Variants in C3orf49 observed in about 807,000 individuals in gnomAD.
C3orf49 encodes the protein putative uncharacterized protein C3orf49.
Under a neutral mutation model 13.3 loss-of-function variants are expected in C3orf49, and 27 were observed. The ratio of observed to expected loss-of-function variants is 2.02; its 90% CI spans 1.49 to 2.79. The LOEUF is 2.79. Among genes scored for constraint, C3orf49 ranks in the 30% most tolerant of loss-of-function variants. The pLI is 0.00. For synonymous variants in C3orf49, 87 were observed against 47.6 expected (o/e 1.83, Z -3.40); for missense variants, 242 against 134.2 (o/e 1.80, Z -3.97).
the C3orf49 span, among the ~76,000 whole-genome samples, chr3:63,780,934 T>C: frequency 1.3e-5 from 2 of 152,134 alleles, no homozygotes; most frequent in African/African-American, 4.8e-5. Flanking sequence ...TCCCATTCTG[T>C]AGGTTGCCTG....
At chr3:63,815,878 G>A (rs1701318859), upstream of C3orf49, among the ~76,000 whole-genome samples, 2 of 150,770 alleles carry the variant, frequency 1.3e-5, no homozygotes, top group Non-Finnish European at 3.0e-5. Context: ...GCGAGGAGGC[G>A]TGAAGCCGGG....
chr3:63,804,048 C>A, the C3orf49 span, among the ~76,000 whole-genome samples: 2 of 151,944 alleles, frequency 1.3e-5, no homozygotes, highest in Non-Finnish European at 2.9e-5. Flanking sequence ...AGGGTTCACG[C>A]TCCTATGAGA....
chr3:63,836,548 G>A (rs1176458511), intron 5 of C3orf49, among the ~76,000 whole-genome samples: 1 of 151,952 alleles, frequency 6.6e-6, no homozygotes, highest in East Asian at 1.9e-4. Context: ...CATCAAAAGT[G>A]TTCCAAACAG....
rs1204394646 is a variant in C3orf49 at position 63,827,712 on chromosome 3, C to G, written c.557C>G (p.Ser186Ter). 1 of 702,678 alleles carries G rather than the reference C, an allele frequency of 1.4e-6. No individual in the cohort carries two copies. Among genetic ancestry groups the G allele is most frequent in the Admixed American group, 2.0e-5 (1 of 49,924 alleles). 43.5% of individuals were successfully genotyped at this position (702,678 alleles called of 1,614,324 possible). ...CGGTTATCTGTGACATCTCTTCCTTCAGGACTGCAAAAGGTAAAACGCTAA... is the reference window on the plus strand; with the variant it reads ...CGGTTATCTGTGACATCTCTTCCTTGAGGACTGCAAAAGGTAAAACGCTAA... ...TKRLSVTSLP[S>*]GLQKGPYSPK... is the part of the protein sequence containing the mutation. Residue 186 changes from serine (S) to a stop codon, truncating the protein, a stop_gained, in exon 3 of 7, where the codon TCA becomes TGA. Coordinates refer to ENST00000295896, the MANE Select transcript of C3orf49 (RefSeq NM_001355236.2). LOFTEE classifies it high-confidence loss of function.
At chr3:63,789,310 G>T in the C3orf49 span, among the ~76,000 whole-genome samples, 1 of 152,124 alleles carries the variant, frequency 6.6e-6, no homozygotes, top group African/African-American at 2.4e-5. Context: ...TGGAAAAATT[G>T]TCTTCCACAA....
chr3:63,836,235 C>G lies in C3orf49; in HGVS notation c.849+4391C>G, dbSNP rs1383980857. 8 of 1,466,940 alleles carry G rather than the reference C, an allele frequency of 5.5e-6. No homozygotes were observed. In the Admixed American group the frequency reaches 1.1e-4, roughly 21 times the overall value. The allele number at this position is 1,466,940 out of a possible 1,614,324, so 90.9% of individuals were successfully genotyped here. A position where few individuals can be genotyped will look rare whatever the true frequency, so the allele number is the denominator to read the frequency against. ...ATTTATTTCTGCAAAAATGAAATGCCTACGGTAGTTTTCGAGCATTTATGT... is the reference window on the plus strand; with the variant it reads ...ATTTATTTCTGCAAAAATGAAATGCGTACGGTAGTTTTCGAGCATTTATGT... On this transcript the variant is annotated intron_variant, in intron 5 of 6. Transcript: ENST00000295896.
At chr3:63,781,343 A>G in the C3orf49 span, among the ~76,000 whole-genome samples, 1 of 151,314 alleles carries the variant, frequency 6.6e-6, no homozygotes, top group African/African-American at 2.4e-5. Flanking sequence ...TGTTCCATTG[A>G]TCTATATCTC....
At position 63,823,387 on chromosome 3, in the gene C3orf49, C is replaced by T. The variant is rs752808341; in HGVS notation, c.263C>T (p.Thr88Ile). 2.8e-6 allele frequency: 2 copies of T among 703,316 alleles called. No individual in the cohort carries two copies. The highest frequency in any genetic ancestry group is 3.0e-5 in the South Asian group (2 of 67,596). 43.6% of individuals were successfully genotyped at this position (703,316 alleles called of 1,614,324 possible). Residue 88 changes from threonine (T) to isoleucine (I), a missense_variant, in exon 2 of 7, where the codon ACT becomes ATT. Coordinates refer to ENST00000295896, the MANE Select transcript of C3orf49 (RefSeq NM_001355236.2). ...AGTAATTTGAAGACGAAAGTGAAGACTGCTTTTGGGAGGATGCTGTCCTAC... is the reference window on the plus strand; with the variant it reads ...AGTAATTTGAAGACGAAAGTGAAGATTGCTTTTGGGAGGATGCTGTCCTAC... The part of the protein sequence containing the change: ...QKSNLKTKVK[T>I]AFGRMLSYKY...
chr3:63,833,978 T>C (rs1387780435), intron 5 of C3orf49: 1 of 670,716 alleles, frequency 1.5e-6, no homozygotes, highest in African/African-American at 1.8e-5. Context: ...CATTTTCCTT[T>C]GTGAGAGGAA....
chr3:63,806,656 C>G, the C3orf49 span, among the ~76,000 whole-genome samples: 2 of 152,218 alleles, frequency 1.3e-5, no homozygotes, highest in East Asian at 3.8e-4. Context: ...TCCCGAACTT[C>G]TTTCCACTTC....
At chr3:63,815,873 G>A (rs923772200), upstream of C3orf49, among the ~76,000 whole-genome samples, 6 of 150,894 alleles carry the variant, frequency 4.0e-5, no homozygotes, top group African/African-American at 1.5e-4. Flanking sequence ...TTCAAGCGAG[G>A]AGGCGTGAAG....
At chr3:63,807,970 C>T in the C3orf49 span, among the ~76,000 whole-genome samples, 1 of 150,096 alleles carries the variant, frequency 6.7e-6, no homozygotes, top group Admixed American at 6.6e-5. Context: ...TTCAGAATGT[C>T]AAAATTTGAG....
rs1302983311 is a variant in C3orf49 at position 63,819,467 on chromosome 3, G to A, written c.-5G>A. On this transcript the variant is annotated 5_prime_UTR_variant, in exon 1 of 7. Transcript: ENST00000295896. The stretch of plus-strand genomic sequence containing the variant: ...AAACGGCTACTACAGGTGAAGTTGA[G>A]AGCAATGGCCCAACCTCAGCTGTAT... 4.3e-6 allele frequency: 3 copies of A among 702,748 alleles called. No homozygotes were observed. Among genetic ancestry groups the A allele is most frequent in the South Asian group, 3.0e-5 (2 of 67,558 alleles). 43.5% of individuals were successfully genotyped at this position (702,748 alleles called of 1,614,324 possible).
Position 63,843,628 on chromosome 3 carries a change from T to C in C3orf49, c.850-1395T>C, listed in dbSNP as rs144744061. ...AATTAAAAAAAATGTGGGCTGGGCG[T>C]GGTGGCTCACGCCTGTAATCCCAGC... On this transcript the variant is annotated intron_variant, in intron 5 of 6. Coordinates refer to ENST00000295896, the MANE Select transcript of C3orf49 (RefSeq NM_001355236.2). Among the ~76,000 whole-genome samples, 403 of 151,906 alleles carry C rather than the reference T, an allele frequency of 2.7e-3. 1 individual carries two copies. Among genetic ancestry groups the C allele is most frequent in the African/African-American group, 9.0e-3 (375 of 41,448 alleles).
At chr3:63,845,834 C>T (rs1701880908) in intron 6 of C3orf49, among the ~76,000 whole-genome samples, 2 of 152,260 alleles carry the variant, frequency 1.3e-5, no homozygotes, top group South Asian at 4.1e-4. Context: ...TATAAGGTTT[C>T]TGGTTCTGGA....
Position 63,838,051 on chromosome 3 carries a change from C to A in C3orf49, c.849+6207C>A, listed in dbSNP as rs1225304211. The A allele has an allele frequency of 1.9e-6, 3 of 1,607,688 alleles. No individual in the cohort carries two copies. The Admixed American group carries it at 5.1e-5, about 27-fold the overall frequency. ...TCAGCAATTTTTTCATGTGCTCCAG[C>A]TATGCTACATTCTATATGAGAAGGT... On this transcript the variant is annotated intron_variant, in intron 5 of 6. Coordinates refer to ENST00000295896, the MANE Select transcript of C3orf49 (RefSeq NM_001355236.2).
intron 5 of C3orf49, among the ~76,000 whole-genome samples, chr3:63,832,374 TTGTC>T: frequency 6.6e-6 from 1 of 152,172 alleles, no homozygotes; most frequent in Admixed American, 6.5e-5. Flanking sequence ...AAACTGGTAT[TTGTC>T]TGGGGCACAG....
intron 6 of C3orf49, 41 bp downstream of exon 6, chr3:63,845,123 T>C: frequency 1.5e-6 from 1 of 675,198 alleles, no homozygotes; most frequent in Non-Finnish European, 2.7e-6. Flanking sequence ...GGGTACTATC[T>C]CCTTCATGTA....
chr3:63,787,318 A>C, the C3orf49 span: 1 of 152,306 alleles, frequency 6.6e-6, no homozygotes, highest in South Asian at 2.1e-4. Flanking sequence ...TCATGGGGAA[A>C]GGAAGAAAGG....
Sources: allele counts gnomAD v4.1 joint callset (sites outside exome capture counted in the v4.1 genomes callset), GRCh38; gene constraint gnomAD v4.1.1; transcripts MANE v1.5; gene names NCBI Gene and HGNC (gene_info 2026-07-23, HGNC 2026-07-21).